The following SAFB variants were observed in gnomAD, a reference collection of about 807,000 sequenced individuals.
SAFB encodes the protein scaffold attachment factor B, also known as scaffold attachment factor B1.
A neutral mutation model predicts 101.6 loss-of-function variants in SAFB; 15 were observed. The ratio of observed to expected loss-of-function variants is 0.15; its 90% confidence interval spans 0.10 to 0.23. The LOEUF is 0.23. Ranked by LOEUF, SAFB falls within the 10% of genes least tolerant of loss-of-function variation. SAFB has a pLI of 1.00. For synonymous variants in SAFB, 449 were observed against 407.5 expected, an observed-to-expected ratio of 1.10 and a Z score of -1.23; for missense variants, 930 against 1,104.1, an observed-to-expected ratio of 0.84 and a Z score of 2.23.
At chr19:5,648,390 G>A (rs1331921839) in intron 6 of SAFB, 3 of 318,858 alleles carry the variant, frequency 9.4e-6, no homozygotes, top group Non-Finnish European at 1.7e-5. Flanking sequence ...TTGTGATATT[G>A]GGCAGTAGCT....
At chr19:5,641,572 CT>C in intron 2 of SAFB, 21 bp from the exon 3 acceptor site, 1 of 1,604,766 alleles carries the variant, frequency 6.2e-7, no homozygotes, top group Non-Finnish European at 8.5e-7. Flanking sequence ...TGATCTCATG[CT>C]GTAAATGATT....
chr19:5,623,487 C>A, intron 1 of SAFB, 93 bp downstream of exon 1: 1 of 1,135,138 alleles, frequency 8.8e-7, no homozygotes, highest in Non-Finnish European at 1.2e-6. Context: ...CGCCCCCGGC[C>A]GCGTTCGCGG....
chr19:5,633,251 T>C (rs1351283678), intron 2 of SAFB, among the ~76,000 whole-genome samples: 1 of 152,212 alleles, frequency 6.6e-6, no homozygotes, highest in Non-Finnish European at 1.5e-5. Context: ...ATTATTTTAT[T>C]CCATAGGTTG....
At chr19:5,666,003 C>T (rs906240739) in intron 17 of SAFB, 4 of 152,212 alleles carry the variant, frequency 2.6e-5, no homozygotes, top group Non-Finnish European at 5.9e-5. Context: ...CTCCCTTCAC[C>T]CTGGCAGAGC....
At chr19:5,628,764 A>G (rs569483457) in intron 2 of SAFB, among the ~76,000 whole-genome samples, 3 of 152,364 alleles carry the variant, frequency 2.0e-5, no homozygotes, top group Admixed American at 1.3e-4. Flanking sequence ...CTCATGATAC[A>G]TTGCGTGTTT....
intron 14 of SAFB, among the ~76,000 whole-genome samples, chr19:5,658,510 T>C (rs1259765879): frequency 3.9e-5 from 6 of 151,948 alleles, no homozygotes; most frequent in Non-Finnish European, 8.8e-5. Flanking sequence ...CTGACCAACA[T>C]AGTGAAACGC....
rs565066370 is a variant in SAFB, at chr19:5,658,174, T to G, written c.1862+827T>G. On this transcript the variant is annotated intron_variant, in intron 14 of 20. Transcript: ENST00000588852. ...CACCACACCCGGCTCATTTTTGTAT[T>G]TTTAGTAGAGATGGGGTTTGGCCAT... Among the ~76,000 whole-genome samples the G allele has an allele frequency of 4.5e-4, 69 of 151,914 alleles. 1 individual carries two copies. Among genetic ancestry groups the G allele is most frequent in the African/African-American group, 1.5e-3 (64 of 41,436 alleles).
At position 5,667,401 on chromosome 19, in the gene SAFB, G is replaced by A. The variant is rs1306449591; in HGVS notation, c.2508G>A (p.Gln836=). Reference sequence around the variant, plus strand: ...GAAGAGAGGATGACCGGTCATGGCAGGGCACGGCCGACGGGGGCATGATGG... The same window carrying A: ...GAAGAGAGGATGACCGGTCATGGCAAGGCACGGCCGACGGGGGCATGATGG... ...HGRREDDRSW[Q]GTADGGMMDR... Residue 836 remains glutamine, a synonymous_variant, in exon 19 of 21, where the codon CAG becomes CAA. Coordinates refer to ENST00000588852, the MANE Select transcript of SAFB (RefSeq NM_001201338.2). This position sits in a 1 kb window ranked among gnomAD's most constrained non-coding sequence, Gnocchi z 4.0. 6.6e-7 allele frequency: 1 copy of A among 1,516,018 alleles called. No individual in the cohort carries two copies. Among genetic ancestry groups the A allele is most frequent in the Non-Finnish European group, 8.8e-7 (1 of 1,137,920 alleles). 93.9% of individuals were successfully genotyped at this position (1,516,018 alleles called of 1,614,324 possible). A position where few individuals can be genotyped will look rare whatever the true frequency, so the allele number is the denominator to read the frequency against.
intron 14 of SAFB, 96 bp from the exon 15 acceptor site, chr19:5,661,420 GCC>G: frequency 1.3e-6 from 2 of 1,555,864 alleles, no homozygotes; most frequent in South Asian, 2.5e-5. Context: ...TGGACGCACA[GCC>G]CTGGAGTCTG....
Position 5,667,983 on chromosome 19 carries a change from T to C in SAFB, c.2624+97T>C, listed in dbSNP as rs1599396194. 7.0e-7 allele frequency: 1 copy of C among 1,428,712 alleles called. No individual in the cohort carries two copies. Among genetic ancestry groups the C allele is most frequent in the Non-Finnish European group, 9.5e-7 (1 of 1,050,664 alleles). The allele number at this position is 1,428,712 out of a possible 1,614,324, so 88.5% of individuals were successfully genotyped here. A position where few individuals can be genotyped will look rare whatever the true frequency, so the allele number is the denominator to read the frequency against. The stretch of plus-strand genomic sequence containing the variant: ...ACCAAGTCCTTCCAGCTAGTGCCCC[T>C]CCCCCCAAGGGTGACGTGAGGCCAG... On this transcript the variant is annotated intron_variant, in intron 20 of 20. Transcript: ENST00000588852. This position sits in a 1 kb window ranked among gnomAD's most constrained non-coding sequence, Gnocchi z 4.0.
At chr19:5,652,655 C>T (rs1196841886) in intron 9 of SAFB, among the ~76,000 whole-genome samples, 1 of 151,938 alleles carries the variant, frequency 6.6e-6, no homozygotes, top group Non-Finnish European at 1.5e-5. Context: ...CGTTTTGTTA[C>T]AGTCAATGAT....
chr19:5,630,020 C>T (rs1568248035), intron 2 of SAFB, among the ~76,000 whole-genome samples: 1 of 152,170 alleles, frequency 6.6e-6, no homozygotes, highest in Non-Finnish European at 1.5e-5. Context: ...CCAGCCTTGG[C>T]GACAGAGTGA....
chr19:5,661,143 G>A (rs1196088077), intron 14 of SAFB, among the ~76,000 whole-genome samples: 1 of 151,748 alleles, frequency 6.6e-6, no homozygotes, highest in East Asian at 1.9e-4. Context: ...GGCTGGTCTC[G>A]ATCTCTTGAC....
intron 16 of SAFB, 74 bp downstream of exon 16, chr19:5,664,233 G>A: frequency 1.3e-6 from 2 of 1,546,590 alleles, no homozygotes. Flanking sequence ...AGGACTCCTG[G>A]GCTCTCTGAA....
At chr19:5,656,542 G>T (rs1280876455) in intron 13 of SAFB, among the ~76,000 whole-genome samples, 2 of 149,726 alleles carry the variant, frequency 1.3e-5, no homozygotes, top group Admixed American at 1.3e-4. Context: ...TCCCAAAGTG[G>T]TAGGATTATA....
In SAFB at chr19:5,635,271, AT is replaced by A. The variant is rs1470059376; in HGVS notation, c.275-6322del. Among the ~76,000 whole-genome samples, 7 of 152,266 alleles carry A rather than the reference AT, an allele frequency of 4.6e-5. No individual in the cohort carries two copies. In the East Asian group the frequency reaches 1.3e-3, roughly 29 times the overall value. On this transcript the variant is annotated intron_variant, in intron 2 of 20. Transcript: ENST00000588852. ...AGCTAACGTGGGGAACTGCCGTAGC[AT>A]GGAGTCAAAGATGGAGGTGGATCAA... is the stretch of plus-strand genomic sequence containing the variant.
At chr19:5,658,347 T>C (rs1158635262) in intron 14 of SAFB, among the ~76,000 whole-genome samples, 1 of 152,228 alleles carries the variant, frequency 6.6e-6, no homozygotes, top group East Asian at 1.9e-4. Flanking sequence ...ACAAACGTTA[T>C]TGGCGAATTA....
Position 5,654,081 on chromosome 19 carries a change from A to G in SAFB, c.1547A>G (p.Asp516Gly), listed in dbSNP as rs751836532. ...TATAGATCTACAAACCTTAAGAGGGATGATAAATGTGACAGAAAAGATGAT... is the reference window on the plus strand; with the variant it reads ...TATAGATCTACAAACCTTAAGAGGGGTGATAAATGTGACAGAAAAGATGAT... ...NSDRSTNLKR[D>G]DKCDRKDDAK... Residue 516 changes from aspartate (D) to glycine (G), a missense_variant, in exon 12 of 21, where the codon GAT becomes GGT. By Grantham distance (94) the Asp-to-Gly change is moderately conservative (BLOSUM62 -1). Coordinates refer to ENST00000588852, the MANE Select transcript of SAFB (RefSeq NM_001201338.2). 1 of 1,614,034 alleles carries G rather than the reference A, an allele frequency of 6.2e-7. No individual in the cohort carries two copies. The highest frequency in any genetic ancestry group is 1.3e-5 in the African/African-American group (1 of 74,908).
chr19:5,659,249 G>C (rs2054138798), intron 14 of SAFB, among the ~76,000 whole-genome samples: 1 of 152,012 alleles, frequency 6.6e-6, no homozygotes, highest in African/African-American at 2.4e-5. Flanking sequence ...AGGTTGCAGT[G>C]AGCCAAGATT....
Sources: allele counts gnomAD v4.1 joint callset (sites outside exome capture counted in the v4.1 genomes callset), GRCh38; gene constraint gnomAD v4.1.1; non-coding constraint Gnocchi (gnomAD v3.1); transcripts MANE v1.5; gene names NCBI Gene and HGNC (gene_info 2026-07-23, HGNC 2026-07-21).